MAML2: variants seen among roughly 807,000 people sequenced by gnomAD.
The protein encoded by MAML2 is mastermind like transcriptional coactivator 2.
A neutral mutation model predicts 96.1 loss-of-function variants in MAML2; 22 were observed. The ratio of observed to expected loss-of-function variants is 0.23; its 90% CI spans 0.16 to 0.33. The LOEUF is 0.33. MAML2 is among the 10% of genes least tolerant of loss of function. The pLI, the probability that MAML2 is intolerant of heterozygous loss-of-function variation, is 1.00. For missense variants in MAML2, 1,367 were observed against 1,392.4 expected, an observed-to-expected ratio of 0.98 and a Z score of 0.29; for synonymous variants, 561 against 521.3, an observed-to-expected ratio of 1.08 and a Z score of -1.04.
chr11:96,208,820 A>G (rs540145862), intron 1 of MAML2, among the ~76,000 whole-genome samples: 1 of 152,192 alleles, frequency 6.6e-6, no homozygotes, highest in Admixed American at 6.5e-5. Flanking sequence ...TTAAAAAAAA[A>G]TCATACAGGA....
rs77608899 is a variant in MAML2 at position 96,012,693 on chromosome 11, T to A, written c.2140-20970A>T. Reference sequence around the variant, plus strand: ...AAACACTGTTTTCTAGAATAAACCTTTGAAATCTGTTTGTTTCCTTAAGCA... The same window carrying A: ...AAACACTGTTTTCTAGAATAAACCTATGAAATCTGTTTGTTTCCTTAAGCA... On this transcript the variant is annotated intron_variant, in intron 2 of 4. Transcript: ENST00000524717. Among the ~76,000 whole-genome samples, 1,373 of 152,326 alleles carry A rather than the reference T, an allele frequency of 9.0e-3. 13 individuals carry two copies. Among genetic ancestry groups the A allele is most frequent in the Non-Finnish European group, 0.015 (1,020 of 68,028 alleles).
chr11:96,019,484 C>T (rs181219600), intron 2 of MAML2, among the ~76,000 whole-genome samples: 33 of 151,938 alleles, frequency 2.2e-4, no homozygotes, highest in African/African-American at 7.0e-4. Flanking sequence ...AAATCACAGA[C>T]AAGTTTTTGA....
intron 1 of MAML2, among the ~76,000 whole-genome samples, chr11:96,278,797 T>TTC (rs1863023789): frequency 6.6e-6 from 1 of 152,170 alleles, no homozygotes; most frequent in Non-Finnish European, 1.5e-5. Context: ...GAGTTTGAAC[T>TTC]TTATCATAAA....
In MAML2 at chr11:96,020,778, T is replaced by C. The variant is rs929536261; in HGVS notation, c.2140-29055A>G. Among the ~76,000 whole-genome samples, 82 of 152,198 alleles carry C rather than the reference T, an allele frequency of 5.4e-4. 1 individual carries two copies. The highest frequency in any genetic ancestry group is 2.1e-4 in the Non-Finnish European group (14 of 68,040). ...AAATGAATAAAACAGGAATTTTAAG[T>C]CTTAGTGGCAGAGTGTAAGGAAGAA... is the stretch of plus-strand genomic sequence containing the variant. On this transcript the variant is annotated intron_variant, in intron 2 of 4. Transcript: ENST00000524717.
intron 1 of MAML2, among the ~76,000 whole-genome samples, chr11:96,328,023 G>A (rs1395506679): frequency 1.3e-5 from 2 of 152,054 alleles, no homozygotes; most frequent in Non-Finnish European, 2.9e-5. Context: ...TTCAACCCGG[G>A]GGGTGGAGGT....
intron 1 of MAML2, among the ~76,000 whole-genome samples, chr11:96,126,176 C>T (rs986260388): frequency 1.3e-5 from 2 of 152,150 alleles, no homozygotes; most frequent in African/African-American, 4.8e-5. Context: ...GACATTGTCA[C>T]TGGTCTTCTG....
intron 1 of MAML2, among the ~76,000 whole-genome samples, chr11:96,258,510 T>C (rs1333706550): frequency 6.6e-6 from 1 of 152,172 alleles, no homozygotes; most frequent in African/African-American, 2.4e-5. Flanking sequence ...ACGTCCTCAT[T>C]AGGGTCCCTA....
chr11:96,318,798 A>G (rs1306170171), intron 1 of MAML2, among the ~76,000 whole-genome samples: 1 of 152,240 alleles, frequency 6.6e-6, no homozygotes, highest in Non-Finnish European at 1.5e-5. Context: ...TATGAAATTA[A>G]TTAATGGTCA....
At chr11:96,300,804 G>A (rs1350546070) in intron 1 of MAML2, among the ~76,000 whole-genome samples, 1 of 152,178 alleles carries the variant, frequency 6.6e-6, no homozygotes, top group Non-Finnish European at 1.5e-5. Context: ...CGGAGCTGAG[G>A]ATAACCAGGT....
chr11:96,114,196 G>A (rs903930646), intron 1 of MAML2, among the ~76,000 whole-genome samples: 17 of 152,302 alleles, frequency 1.1e-4, no homozygotes, highest in African/African-American at 3.6e-4. Flanking sequence ...TGGGATTACA[G>A]GCATGAGCCA....
rs186712535 is a variant in MAML2 at position 96,290,331 on chromosome 11, G to C, written c.513+51052C>G. On this transcript the variant is annotated intron_variant, in intron 1 of 4. Transcript: ENST00000524717. Reference sequence around the variant, plus strand: ...CCTGGTGGCTTGAAAGAGACAATGGGGAGAATGTGGCTCATTAAATAGTAA... The same window carrying C: ...CCTGGTGGCTTGAAAGAGACAATGGCGAGAATGTGGCTCATTAAATAGTAA... 1.6e-3 allele frequency among the ~76,000 whole-genome samples: 249 copies of C among 152,290 alleles called. 1 individual carries two copies. Among genetic ancestry groups the C allele is most frequent in the African/African-American group, 5.7e-3 (235 of 41,568 alleles).
chr11:96,033,093 T>G (rs1858645429), intron 2 of MAML2, among the ~76,000 whole-genome samples: 1 of 152,242 alleles, frequency 6.6e-6, no homozygotes, highest in South Asian at 2.1e-4. Context: ...ATTTTACTTC[T>G]TAAGACAACA....
intron 1 of MAML2, among the ~76,000 whole-genome samples, chr11:96,322,347 C>A (rs1863714507): frequency 6.6e-6 from 1 of 152,098 alleles, no homozygotes; most frequent in Admixed American, 6.6e-5. Context: ...CAAACCTGAA[C>A]TGCAAAAGAG....
intron 1 of MAML2, among the ~76,000 whole-genome samples, chr11:96,285,034 C>T (rs1321356512): frequency 6.6e-6 from 1 of 152,132 alleles, no homozygotes; most frequent in Non-Finnish European, 1.5e-5. Flanking sequence ...AGACCCATTT[C>T]ACAGTTGAAG....
chr11:96,321,652 G>T (rs1393432916), intron 1 of MAML2, among the ~76,000 whole-genome samples: 3 of 152,162 alleles, frequency 2.0e-5, no homozygotes, highest in Admixed American at 6.5e-5. Flanking sequence ...TCTATAGAAG[G>T]TTTTTGTTCT....
At chr11:96,185,992 T>C (rs1861570133) in intron 1 of MAML2, among the ~76,000 whole-genome samples, 2 of 152,216 alleles carry the variant, frequency 1.3e-5, no homozygotes. Context: ...CCAGACCTAC[T>C]GGGTCAGAAT....
At chr11:96,015,148 G>T (rs1053077626) in intron 2 of MAML2, among the ~76,000 whole-genome samples, 1 of 152,110 alleles carries the variant, frequency 6.6e-6, no homozygotes, top group Admixed American at 6.5e-5. Context: ...CATAATATCC[G>T]AAAAGAAATA....
chr11:96,039,957 C>G (rs1858781589), intron 2 of MAML2, among the ~76,000 whole-genome samples: 1 of 110,594 alleles, frequency 9.0e-6, no homozygotes, highest in South Asian at 3.5e-4. Context: ...GAGCAGGACT[C>G]TGTCTCAAAA....
At chr11:96,100,748 CTTTT>C (rs529252464) in intron 1 of MAML2, among the ~76,000 whole-genome samples, 2 of 109,324 alleles carry the variant, frequency 1.8e-5, no homozygotes, top group East Asian at 5.1e-4. Context: ...TTTTTTTTTT[CTTTT>C]TTTTTTTTTC....
Sources: allele counts gnomAD v4.1 joint callset (sites outside exome capture counted in the v4.1 genomes callset), GRCh38; gene constraint gnomAD v4.1.1; transcripts MANE v1.5; gene names NCBI Gene and HGNC (gene_info 2026-07-23, HGNC 2026-07-21).